KIAA1549L: variants seen among roughly 807,000 people sequenced by gnomAD.
The protein encoded by KIAA1549L is UPF0606 protein KIAA1549L.
A neutral mutation model predicts 160.7 loss-of-function variants in KIAA1549L; 88 were observed. The ratio of observed to expected loss-of-function variants is 0.55; its 90% confidence interval spans 0.46 to 0.65. KIAA1549L has a LOEUF of 0.65. Ranked by LOEUF, KIAA1549L falls within the 30% of genes least tolerant of loss-of-function variation. The pLI, the probability that KIAA1549L is intolerant of heterozygous loss-of-function variation, is 0.00. For synonymous variants in KIAA1549L, 950 were observed against 976.7 expected, an observed-to-expected ratio of 0.97 and a Z score of 0.51; for missense variants, 2,258 against 2,437.5, an observed-to-expected ratio of 0.93 and a Z score of 1.55.
At chr11:33,414,719 A>G (rs1850854511) in intron 1 of KIAA1549L, among the ~76,000 whole-genome samples, 1 of 152,174 alleles carries the variant, frequency 6.6e-6, no homozygotes, top group Non-Finnish European at 1.5e-5. Flanking sequence ...AGGGTATTGT[A>G]TTATTGTTTT....
At chr11:33,549,570 C>G (rs904366263) in intron 4 of KIAA1549L, among the ~76,000 whole-genome samples, 1 of 152,180 alleles carries the variant, frequency 6.6e-6, no homozygotes, top group African/African-American at 2.4e-5. Flanking sequence ...TCATCTTGAG[C>G]ACCATCTTCA....
At chr11:33,471,569 T>C (rs1852179148) in intron 1 of KIAA1549L, among the ~76,000 whole-genome samples, 1 of 152,242 alleles carries the variant, frequency 6.6e-6, no homozygotes, top group South Asian at 2.1e-4. Flanking sequence ...TTATTCCTTC[T>C]TAGAAGTCTC....
At position 33,574,770 on chromosome 11, in the gene KIAA1549L, C is replaced by T. The variant is rs61735318; in HGVS notation, c.4299C>T (p.Asn1433=). ...PAELTYYTLY[N]GKPLLGTAAA... The stretch of plus-strand genomic sequence containing the variant: ...AGCTGACTTACTATACCCTGTACAA[C>T]GGGAAGCCTTTGTTGGGGACCGCAG... Residue 1433 remains asparagine (N), a synonymous_variant, in exon 10 of 21, where the codon AAC becomes AAT. Transcript: ENST00000658780. The T allele has an allele frequency of 3.8e-3, 6,078 of 1,613,856 alleles. 218 individuals carry two copies. In the African/African-American group the frequency reaches 0.07, roughly 19 times the overall value.
At chr11:33,616,629 G>A (rs1850816452) in intron 15 of KIAA1549L, among the ~76,000 whole-genome samples, 1 of 152,184 alleles carries the variant, frequency 6.6e-6, no homozygotes, top group Non-Finnish European at 1.5e-5. Flanking sequence ...GTATTCCCAA[G>A]GCTAATGGCA....
chr11:33,545,836 T>C (rs1354083387), intron 3 of KIAA1549L, among the ~76,000 whole-genome samples: 2 of 152,244 alleles, frequency 1.3e-5, no homozygotes, highest in African/African-American at 4.8e-5. Flanking sequence ...CATGAATGAA[T>C]GATGTGGTTT....
At chr11:33,664,904 C>T (rs1040703453) in intron 20 of KIAA1549L, among the ~76,000 whole-genome samples, 1 of 152,222 alleles carries the variant, frequency 6.6e-6, no homozygotes, top group Non-Finnish European at 1.5e-5. Flanking sequence ...AGCATGGGAA[C>T]AGGCTGTATT....
chr11:33,492,478 G>C (rs973523182), intron 1 of KIAA1549L, among the ~76,000 whole-genome samples: 1 of 152,172 alleles, frequency 6.6e-6, no homozygotes, highest in African/African-American at 2.4e-5. Flanking sequence ...TAGGGTGTGC[G>C]TGGGATATGG....
chr11:33,431,884 G>GC (rs547164702), intron 1 of KIAA1549L, among the ~76,000 whole-genome samples: 33 of 152,356 alleles, frequency 2.2e-4, no homozygotes, highest in Admixed American at 3.9e-4. Flanking sequence ...CCCAAGGACT[G>GC]CCCCACGGGA....
intron 1 of KIAA1549L, among the ~76,000 whole-genome samples, chr11:33,466,961 G>A (rs948854860): frequency 1.5e-5 from 2 of 133,900 alleles, no homozygotes; most frequent in Admixed American, 8.1e-5. Flanking sequence ...ACACACTGGG[G>A]CCTGTTGGGG....
chr11:33,625,087 CTCA>C (rs1183682197), intron 16 of KIAA1549L, among the ~76,000 whole-genome samples: 2 of 151,756 alleles, frequency 1.3e-5, no homozygotes, highest in African/African-American at 4.8e-5. Flanking sequence ...AGGACATGAA[CTCA>C]TCATTTTTTA....
Position 33,528,683 on chromosome 11 carries a change from C to G in KIAA1549L, c.239-13119C>G, listed in dbSNP as rs1476831789. On this transcript the variant is annotated intron_variant, in intron 1 of 20. Transcript: ENST00000658780. The stretch of plus-strand genomic sequence containing the variant: ...AATGAAATAATGGCATTTGCAGCAA[C>G]CTGGATGGAGCTGGAGACCATTATT... 2.6e-5 allele frequency among the ~76,000 whole-genome samples: 4 copies of G among 152,260 alleles called. No individual in the cohort carries two copies. In the East Asian group the frequency reaches 7.7e-4, roughly 29 times the overall value.
At chr11:33,490,585 G>A (rs1220158158) in intron 1 of KIAA1549L, among the ~76,000 whole-genome samples, 1 of 152,116 alleles carries the variant, frequency 6.6e-6, no homozygotes, top group African/African-American at 2.4e-5. Flanking sequence ...TTACAGGCAT[G>A]AGCTACTGTG....
At chr11:33,584,274 G>T (rs557233173) in intron 11 of KIAA1549L, among the ~76,000 whole-genome samples, 1 of 152,348 alleles carries the variant, frequency 6.6e-6, no homozygotes, top group South Asian at 2.1e-4. Context: ...CTTAGACAAA[G>T]TCTCTTGGCT....
At chr11:33,663,130 A>G (rs1852322765) in intron 20 of KIAA1549L, among the ~76,000 whole-genome samples, 2 of 152,224 alleles carry the variant, frequency 1.3e-5, no homozygotes, top group Non-Finnish European at 2.9e-5. Context: ...GGGTCCAGGA[A>G]TAATGCACAC....
chr11:33,577,794 T>G (rs1855502574), intron 10 of KIAA1549L, among the ~76,000 whole-genome samples: 1 of 152,144 alleles, frequency 6.6e-6, no homozygotes, highest in Non-Finnish European at 1.5e-5. Context: ...CCACTTCTTC[T>G]CTTTTTCAAT....
At position 33,666,126 on chromosome 11, in the gene KIAA1549L, A is replaced by G. The variant is rs531477913; in HGVS notation, c.6160-1747A>G. Among the ~76,000 whole-genome samples, 3 of 152,150 alleles carry G rather than the reference A, an allele frequency of 2.0e-5. No homozygotes were observed. The East Asian group carries it at 5.8e-4, about 30-fold the overall frequency. On this transcript the variant is annotated intron_variant, in intron 20 of 20. Transcript: ENST00000658780. Reference sequence around the variant, plus strand: ...AATCCACAGGGAGGCTCGAATCCACAGCACAATTTGGGTGGCTGTAGCCCC... The same window carrying G: ...AATCCACAGGGAGGCTCGAATCCACGGCACAATTTGGGTGGCTGTAGCCCC...
At chr11:33,535,987 T>G (rs1853885009) in intron 1 of KIAA1549L, among the ~76,000 whole-genome samples, 1 of 152,222 alleles carries the variant, frequency 6.6e-6, no homozygotes, top group African/African-American at 2.4e-5. Context: ...TTAATACAGA[T>G]ATGTTTTACC....
intron 1 of KIAA1549L, among the ~76,000 whole-genome samples, chr11:33,394,901 T>G (rs1187062514): frequency 1.3e-5 from 2 of 152,192 alleles, no homozygotes; most frequent in African/African-American, 4.8e-5. Context: ...GAGTAACAGG[T>G]CCCTAAGTGA....
At chr11:33,548,498 T>C (rs1311851786) in intron 4 of KIAA1549L, among the ~76,000 whole-genome samples, 1 of 152,224 alleles carries the variant, frequency 6.6e-6, no homozygotes, top group East Asian at 1.9e-4. Context: ...GTTCATGTAA[T>C]TTTCTAGAAA....
Sources: gnomAD v4.1 joint callset for allele counts (sites outside exome capture counted in the v4.1 genomes callset) on GRCh38, gnomAD v4.1.1 for gene constraint, MANE v1.5 for transcripts, NCBI Gene and HGNC (gene_info 2026-07-23, HGNC 2026-07-21) for gene names.